The following INSL6 variants were observed in gnomAD, a reference collection of about 807,000 sequenced individuals.
The protein encoded by INSL6 is insulin like 6.
In INSL6, 16 loss-of-function variants were observed where a neutral mutation model predicts 9.4. The observed-to-expected ratio is 1.70, with a 90% CI of 1.15 to 2.59. The LOEUF (loss-of-function observed/expected upper bound fraction) is 2.59. Ranked by LOEUF, INSL6 falls within the 30% of genes most tolerant of loss-of-function variation. The pLI is 0.00. For missense variants in INSL6, 391 were observed against 257.3 expected, an observed-to-expected ratio of 1.52 and a Z score of -3.56; for synonymous variants, 154 against 96.9, an observed-to-expected ratio of 1.59 and a Z score of -3.46.
chr9:5,185,428 T>A lies in INSL6; in HGVS notation c.175A>T (p.Thr59Ser). 2 of 1,613,628 alleles carry A rather than the reference T, an allele frequency of 1.2e-6. No individual in the cohort carries two copies. Among genetic ancestry groups the A allele is most frequent in the Non-Finnish European group, 8.5e-7 (1 of 1,179,956 alleles). The part of the protein sequence containing the change: ...NWSQFRFEEE[T>S]PFSRLIAQAS... ...TGTGCAATCAACCGTGAGAAAGGGG[T>A]TTCCTCCTCGAAACGGAACTGGCTC... The change falls in exon 1 of 2, where the codon ACC (threonine) becomes TCC (serine). Residue 59 changes from threonine (T) to serine (S), a missense_variant. By Grantham distance (58) the Thr-to-Ser change is moderately conservative (BLOSUM62 1). Coordinates refer to ENST00000381641, the MANE Select transcript of INSL6 (RefSeq NM_007179.3).
intron 3 of INSL6, among the ~76,000 whole-genome samples, chr9:5,129,496 C>G (rs1348960590): frequency 6.6e-6 from 1 of 151,998 alleles, no homozygotes; most frequent in Non-Finnish European, 1.5e-5. Flanking sequence ...TCTAATATTT[C>G]TAATGAAAGT....
chr9:5,043,336 C>T, the INSL6 span, among the ~76,000 whole-genome samples: 1 of 151,102 alleles, frequency 6.6e-6, no homozygotes, highest in African/African-American at 2.4e-5. Context: ...AAAAATGAAA[C>T]CCTCCGAAAA....
intron 2 of INSL6, among the ~76,000 whole-genome samples, chr9:5,145,430 C>T (rs1010258191): frequency 2.6e-5 from 4 of 152,236 alleles, no homozygotes; most frequent in Middle Eastern, 3.4e-3. Flanking sequence ...GATGATTAAG[C>T]ATCCTGGGGT....
chr9:5,152,131 C>T (rs1824724845), intron 2 of INSL6, among the ~76,000 whole-genome samples: 2 of 152,026 alleles, frequency 1.3e-5, no homozygotes, highest in African/African-American at 2.4e-5. Context: ...ATAGGCAAAT[C>T]CATTATTACA....
the INSL6 span, among the ~76,000 whole-genome samples, chr9:5,046,679 C>T: frequency 6.6e-6 from 1 of 152,142 alleles, no homozygotes; most frequent in East Asian, 1.9e-4. Context: ...GGTCTTGGCA[C>T]CTTTGTTGAA....
the INSL6 span, among the ~76,000 whole-genome samples, chr9:5,004,558 T>C: frequency 4.5e-4 from 69 of 152,330 alleles, 1 homozygote; most frequent in African/African-American, 1.6e-3. Context: ...TTAGGTTGAT[T>C]CTTTATCTTG....
the INSL6 span, chr9:5,064,809 G>A: frequency 8.8e-7 from 1 of 1,142,510 alleles, no homozygotes; most frequent in East Asian, 2.5e-5. Context: ...AACATGGAAT[G>A]AAGAAAATTT....
At chr9:5,037,600 C>T in the INSL6 span, among the ~76,000 whole-genome samples, 27 of 152,042 alleles carry the variant, frequency 1.8e-4, no homozygotes, top group African/African-American at 4.8e-4. Flanking sequence ...AGCAAACTAT[C>T]GCAAGGACAA....
the INSL6 span, among the ~76,000 whole-genome samples, chr9:5,037,286 GA>G: frequency 2.6e-5 from 4 of 152,120 alleles, no homozygotes; most frequent in Non-Finnish European, 4.4e-5. Flanking sequence ...AACCATTGTG[GA>G]AGTCAGTGTG....
the INSL6 span, among the ~76,000 whole-genome samples, chr9:5,006,129 T>C: frequency 1.3e-5 from 2 of 152,216 alleles, no homozygotes. Flanking sequence ...CCCATGAGCA[T>C]GGAATGTTCT....
the INSL6 span, chr9:5,081,889 A>C: frequency 3.8e-6 from 6 of 1,568,904 alleles, no homozygotes; most frequent in South Asian, 2.3e-5. Flanking sequence ...TTTCAAATAG[A>C]GTATAATCAT....
chr9:5,027,028 T>A, the INSL6 span, among the ~76,000 whole-genome samples: 1 of 152,250 alleles, frequency 6.6e-6, no homozygotes, highest in African/African-American at 2.4e-5. Flanking sequence ...ACCTATTAAT[T>A]AAAACAACTC....
At chr9:5,026,317 G>A in the INSL6 span, among the ~76,000 whole-genome samples, 11 of 152,122 alleles carry the variant, frequency 7.2e-5, no homozygotes, top group Admixed American at 7.2e-4. Flanking sequence ...TGACTTCTGA[G>A]TTATTTGGAA....
At chr9:5,070,003 A>C in the INSL6 span, 1 of 1,608,286 alleles carries the variant, frequency 6.2e-7, no homozygotes, top group Non-Finnish European at 8.5e-7. Flanking sequence ...AGGCCTACTC[A>C]TATGAACCAA....
chr9:5,127,332 T>G lies in INSL6; in HGVS notation c.*11-2821A>C, dbSNP rs568557427. The G allele has an allele frequency of 2.6e-5, 6 of 232,178 alleles. No individual in the cohort carries two copies. The South Asian group carries it at 9.1e-4, about 35-fold the overall frequency. The allele number at this position is 232,178 out of a possible 1,614,324, so 14.4% of individuals were successfully genotyped here. A position where few individuals can be genotyped will look rare whatever the true frequency, so the allele number is the denominator to read the frequency against. ...TCAGATAATTGAATAAGTACCTTTGTGTCCTTGTTCATTTATATCGCTGGC... is the reference window on the plus strand; with the variant it reads ...TCAGATAATTGAATAAGTACCTTTGGGTCCTTGTTCATTTATATCGCTGGC... On this transcript the variant is annotated intron_variant, in intron 3 of 3. Coordinates refer to the INSL6 transcript ENST00000649639.
chr9:5,139,812 ATT>A (rs1444700194), intron 2 of INSL6, among the ~76,000 whole-genome samples: 1 of 152,174 alleles, frequency 6.6e-6, no homozygotes, highest in African/African-American at 2.4e-5. Context: ...AAATTATTTT[ATT>A]TTTAAAGAAA....
the INSL6 span, among the ~76,000 whole-genome samples, chr9:5,025,339 A>C: frequency 6.6e-6 from 1 of 152,130 alleles, no homozygotes; most frequent in East Asian, 1.9e-4. Flanking sequence ...CTCTTGGTCT[A>C]TTCTCTGTGA....
chr9:5,137,622 A>C lies in INSL6; in HGVS notation c.377-4030T>G, dbSNP rs142829691. 4.7e-3 allele frequency among the ~76,000 whole-genome samples: 722 copies of C among 152,362 alleles called. 4 individuals carry two copies. Among genetic ancestry groups the C allele is most frequent in the African/African-American group, 0.015 (634 of 41,580 alleles). On this transcript the variant is annotated intron_variant, in intron 2 of 3. Transcript: ENST00000649639. ...ATTAAAGACTTAAATATAAGACCTA[A>C]ATCCATAAAAAACCTGGAAGAAAAC...
chr9:5,172,097 G>T (rs537554112), intron 1 of INSL6, among the ~76,000 whole-genome samples: 1 of 152,094 alleles, frequency 6.6e-6, no homozygotes, highest in African/African-American at 2.4e-5. Flanking sequence ...TACTACAAGG[G>T]TACAGTAACC....
Sources: gnomAD v4.1 joint callset for allele counts (sites outside exome capture counted in the v4.1 genomes callset) on GRCh38, gnomAD v4.1.1 for gene constraint, MANE v1.5 for transcripts, NCBI Gene and HGNC (gene_info 2026-07-23, HGNC 2026-07-21) for gene names.